The following ZNF804B variants were observed in gnomAD, a reference collection of about 807,000 sequenced individuals.
ZNF804B encodes the protein zinc finger 804B.
ZNF804B carries 80 observed loss-of-function variants against 101.4 expected under a neutral mutation model. The ratio of observed to expected loss-of-function variants is 0.79; its 90% CI spans 0.66 to 0.95. The LOEUF is 0.95. Among genes scored for constraint, ZNF804B ranks in the 40% least tolerant of loss-of-function variants. ZNF804B has a pLI of 0.00. For missense variants in ZNF804B, 1,673 were observed against 1,561.9 expected (o/e 1.07, Z -1.20); for synonymous variants, 622 against 558.8 (o/e 1.11, Z -1.59).
intron 1 of ZNF804B, among the ~76,000 whole-genome samples, chr7:89,004,024 A>C (rs1023259037): frequency 1.3e-5 from 2 of 149,146 alleles, no homozygotes; most frequent in Non-Finnish European, 3.0e-5. Flanking sequence ...GGAGTTTTGC[A>C]GTATAATGTG....
chr7:89,329,037 A>C (rs1314517126), intron 3 of ZNF804B, among the ~76,000 whole-genome samples: 2 of 151,668 alleles, frequency 1.3e-5, no homozygotes, highest in African/African-American at 2.4e-5. Context: ...TAGAAGTTCC[A>C]AGTTTGCTAG....
At chr7:88,851,142 G>A (rs2115828476) in intron 1 of ZNF804B, among the ~76,000 whole-genome samples, 1 of 152,182 alleles carries the variant, frequency 6.6e-6, no homozygotes, top group East Asian at 1.9e-4. Flanking sequence ...TAGATTGTTG[G>A]TGAGTTGTGA....
chr7:88,767,393 G>A (rs188404772), intron 1 of ZNF804B, among the ~76,000 whole-genome samples: 20 of 152,266 alleles, frequency 1.3e-4, no homozygotes, highest in Admixed American at 1.3e-3. Context: ...AATACAGTCA[G>A]CTTCCCCTCT....
At chr7:89,101,755 A>G (rs1336136024) in intron 1 of ZNF804B, among the ~76,000 whole-genome samples, 2 of 151,944 alleles carry the variant, frequency 1.3e-5, no homozygotes, top group African/African-American at 4.8e-5. Flanking sequence ...TTGTTTATAC[A>G]TGGATATTAC....
At chr7:89,206,959 C>G (rs1479644455) in intron 1 of ZNF804B, among the ~76,000 whole-genome samples, 1 of 152,192 alleles carries the variant, frequency 6.6e-6, no homozygotes, top group Non-Finnish European at 1.5e-5. Context: ...GTCACCATTG[C>G]TCCAGTTCCC....
At chr7:89,035,603 T>C (rs1047305873) in intron 1 of ZNF804B, among the ~76,000 whole-genome samples, 18 of 151,936 alleles carry the variant, frequency 1.2e-4, no homozygotes, top group Admixed American at 7.9e-4. Context: ...CGTGACGAAC[T>C]TTTGATCAGT....
Position 89,228,264 on chromosome 7 carries a change from A to G in ZNF804B, c.249+9969A>G, listed in dbSNP as rs916964006. On this transcript the variant is annotated intron_variant, in intron 2 of 3. Coordinates refer to ENST00000333190, the MANE Select transcript of ZNF804B (RefSeq NM_181646.5). ...AGTGAGCAGCAGCAGGATTTATTGC[A>G]AAGAGCGCAAGAACAAAGCTTCCAC... Among the ~76,000 whole-genome samples the G allele has an allele frequency of 2.3e-4, 35 of 152,194 alleles. 1 individual carries two copies. The highest frequency in any genetic ancestry group is 7.7e-4 in the African/African-American group (32 of 41,522).
chr7:89,309,983 A>G (rs1296155362), intron 2 of ZNF804B, among the ~76,000 whole-genome samples: 1 of 151,760 alleles, frequency 6.6e-6, no homozygotes, highest in African/African-American at 2.4e-5. Flanking sequence ...TGGATGTCTC[A>G]CATTTCTTAC....
At chr7:89,302,346 C>T (rs1027302462) in intron 2 of ZNF804B, among the ~76,000 whole-genome samples, 5 of 151,836 alleles carry the variant, frequency 3.3e-5, no homozygotes, top group East Asian at 3.9e-4. Flanking sequence ...TCACAGCTAT[C>T]GGGGACATGG....
chr7:89,302,132 A>G (rs1192636598), intron 2 of ZNF804B, among the ~76,000 whole-genome samples: 2 of 151,840 alleles, frequency 1.3e-5, no homozygotes, highest in Non-Finnish European at 2.9e-5. Flanking sequence ...CCAATTGTCT[A>G]CATCTGTTGC....
intron 2 of ZNF804B, among the ~76,000 whole-genome samples, chr7:89,289,575 T>C (rs557603982): frequency 2.6e-5 from 4 of 152,170 alleles, no homozygotes; most frequent in East Asian, 1.9e-4. Context: ...TTGAGAGACA[T>C]TGCATTAAGC....
intron 1 of ZNF804B, among the ~76,000 whole-genome samples, chr7:88,785,009 G>T (rs1486775081): frequency 6.6e-6 from 1 of 152,064 alleles, no homozygotes; most frequent in Admixed American, 6.6e-5. Context: ...GTAATAGATA[G>T]CACCATTCCT....
At chr7:88,807,519 C>A (rs1431434913) in intron 1 of ZNF804B, among the ~76,000 whole-genome samples, 2 of 152,144 alleles carry the variant, frequency 1.3e-5, no homozygotes, top group Non-Finnish European at 2.9e-5. Flanking sequence ...AATGTTGCTG[C>A]AGCAATATCT....
At chr7:89,247,056 G>A (rs1789460161) in intron 2 of ZNF804B, among the ~76,000 whole-genome samples, 1 of 152,166 alleles carries the variant, frequency 6.6e-6, no homozygotes, top group Admixed American at 6.5e-5. Context: ...GACATCTGGA[G>A]CACCCACTCT....
intron 2 of ZNF804B, among the ~76,000 whole-genome samples, chr7:89,286,199 G>C (rs1353603433): frequency 3.3e-5 from 5 of 151,992 alleles, no homozygotes; most frequent in African/African-American, 1.2e-4. Context: ...TCTAAATCGG[G>C]ACTTTAGGAC....
At chr7:88,877,025 T>TATTTTTTTTTTTTTGAAAAAAAA (rs1791955757) in intron 1 of ZNF804B, among the ~76,000 whole-genome samples, 1 of 59,274 alleles carries the variant, frequency 1.7e-5, no homozygotes, top group Non-Finnish European at 2.7e-5. Context: ...TATATATATA[T>TATTTTTTTTTTTTTGAAAAAAAA]AATATATATA....
intron 1 of ZNF804B, among the ~76,000 whole-genome samples, chr7:89,071,781 T>TACACACAC (rs36061852): frequency 0.11 from 15,758 of 147,734 alleles, 1,343 homozygotes; most frequent in African/African-American, 0.25. Flanking sequence ...CACACAAATG[T>TACACACAC]ACACACACAC....
At chr7:88,981,853 G>T (rs2116134409) in intron 1 of ZNF804B, among the ~76,000 whole-genome samples, 1 of 152,106 alleles carries the variant, frequency 6.6e-6, no homozygotes, top group East Asian at 2.0e-4. Flanking sequence ...AGAGGCTCCT[G>T]CTGGGGGATC....
At chr7:89,163,754 C>A (rs1049869273) in intron 1 of ZNF804B, among the ~76,000 whole-genome samples, 7 of 152,024 alleles carry the variant, frequency 4.6e-5, no homozygotes, top group Non-Finnish European at 8.8e-5. Context: ...CCTATACCTG[C>A]TTCATAAACA....
Sources: gnomAD v4.1 joint callset for allele counts (sites outside exome capture counted in the v4.1 genomes callset) on GRCh38, gnomAD v4.1.1 for gene constraint, MANE v1.5 for transcripts, NCBI Gene and HGNC (gene_info 2026-07-23, HGNC 2026-07-21) for gene names.